The following FLNB variants were observed in gnomAD, a reference collection of about 807,000 sequenced individuals.
The protein encoded by FLNB is filamin-B.
Under a neutral mutation model 250.6 loss-of-function variants are expected in FLNB, and 111 were observed. The ratio of observed to expected loss-of-function variants is 0.44; its 90% CI spans 0.38 to 0.52. FLNB has a LOEUF of 0.52. FLNB is among the 20% of genes least tolerant of loss of function. The probability of loss-of-function intolerance (pLI) is 0.00; values close to 1 mark genes in which losing one functional copy is unlikely to be tolerated. For missense variants in FLNB, 2,869 were observed against 3,447.8 expected (o/e 0.83, Z 4.20); for synonymous variants, 1,302 against 1,372.1 (o/e 0.95, Z 1.13).
At position 58,094,840 on chromosome 3, in the gene FLNB, C is replaced by T. The variant is rs7623314; in HGVS notation, c.792C>T (p.Ile264=). 7,870 of 1,613,618 alleles carry T rather than the reference C, an allele frequency of 4.9e-3. 289 individuals carry two copies. In the African/African-American group the frequency reaches 0.087, roughly 18 times the overall value. The change falls in exon 5 of 46, where the codon ATC becomes ATT. Residue 264 remains isoleucine, a synonymous_variant. Coordinates refer to ENST00000295956, the MANE Select transcript of FLNB (RefSeq NM_001457.4). ...PKKARAYGRG[I]EPTGNMVKQP... ...GTCTGTGTAAACCTGTGGCAGGAAT[C>T]GAGCCCACTGGAAACATGGTGAAGC... is the stretch of plus-strand genomic sequence containing the variant.
At chr3:58,112,917 G>C (rs1267245047) in intron 18 of FLNB, among the ~76,000 whole-genome samples, 1 of 152,038 alleles carries the variant, frequency 6.6e-6, no homozygotes, top group African/African-American at 2.4e-5. Context: ...TTTCACATGT[G>C]ATCTTACCAT....
chr3:58,112,097 G>A (rs2097269809), intron 17 of FLNB, 52 bp from the exon 18 acceptor site: 1 of 1,582,656 alleles, frequency 6.3e-7, no homozygotes, highest in Non-Finnish European at 8.7e-7. Context: ...GGTTCTCAAA[G>A]TGAAACTACT....
Position 58,111,810 on chromosome 3 carries a change from T to C in FLNB, c.2504T>C (p.Phe835Ser). Residue 835 changes from phenylalanine (F) to serine (S), a missense_variant, in exon 17 of 46, where the codon TTC becomes TCC. Transcript: ENST00000295956. ...CTACAGGAAATCCCCGCCAGCCCTT[T>C]CAGAGTCAAAGTTGACCCTTCCCAC... ...FASQEIPASPFRVKVDPSHDA... is the reference protein window; with the variant it reads ...FASQEIPASPSRVKVDPSHDA... 2 of 1,614,080 alleles carry C rather than the reference T, an allele frequency of 1.2e-6. No individual in the cohort carries two copies. The highest frequency in any genetic ancestry group is 2.2e-5 in the South Asian group (2 of 91,088).
At position 58,163,532 on chromosome 3, in the gene FLNB, G is replaced by T. The variant is rs929510869; in HGVS notation, c.7198+202G>T. On this transcript the variant is annotated intron_variant, in intron 43 of 45. Transcript: ENST00000295956. ...CACGATAAATCCAGAGTGAGAGCTC[G>T]ATGGCCGTGTTATCACACCTCATTA... is the stretch of plus-strand genomic sequence containing the variant. The T allele has an allele frequency of 6.7e-6, 4 of 597,338 alleles. No homozygotes were observed. In the East Asian group the frequency reaches 1.1e-4, roughly 17 times the overall value. The allele number at this position is 597,338 out of a possible 1,614,324, so 37.0% of individuals were successfully genotyped here.
At chr3:58,104,165 T>G in intron 10 of FLNB, 80 bp downstream of exon 10, 2 of 1,451,848 alleles carry the variant, frequency 1.4e-6, no homozygotes, top group Non-Finnish European at 1.9e-6. Flanking sequence ...CTTCCCGGGC[T>G]GCAGGAGGGA....
At chr3:58,072,812 A>AT (rs960605535) in intron 1 of FLNB, among the ~76,000 whole-genome samples, 87 of 152,308 alleles carry the variant, frequency 5.7e-4, no homozygotes, top group African/African-American at 2.0e-3. Flanking sequence ...TGGGCATTGT[A>AT]TTTTTTGTAA....
Position 58,148,275 on chromosome 3 carries a change from C to A in FLNB, c.5798C>A (p.Thr1933Asn). 6.2e-7 allele frequency: 1 copy of A among 1,614,180 alleles called. No individual in the cohort carries two copies. Among genetic ancestry groups the A allele is most frequent in the Non-Finnish European group, 8.5e-7 (1 of 1,180,034 alleles). Residue 1933 changes from threonine to asparagine, a missense_variant, in exon 35 of 46, where the codon ACT (threonine) becomes AAT (asparagine). By Grantham distance (65) the Thr-to-Asn change is moderately conservative. Coordinates refer to ENST00000295956, the MANE Select transcript of FLNB (RefSeq NM_001457.4). Reference protein sequence around the residue: ...AADFLLDISETDLSSLTASIK... With the variant: ...AADFLLDISENDLSSLTASIK... ...GACTTCCTGCTCGACATCAGTGAGA[C>A]TGACCTCAGCAGCCTGACGGCCAGC...
chr3:58,100,922 G>A (rs2097250001), intron 8 of FLNB, among the ~76,000 whole-genome samples: 2 of 151,678 alleles, frequency 1.3e-5, no homozygotes. Context: ...TTTTGTAGAG[G>A]TGGGGTCTCA....
chr3:58,074,914 T>G (rs953446900), intron 1 of FLNB, among the ~76,000 whole-genome samples: 2 of 152,086 alleles, frequency 1.3e-5, no homozygotes, highest in Non-Finnish European at 2.9e-5. Flanking sequence ...GATGATCGAG[T>G]TTTATTATGA....
At chr3:58,045,044 G>C (rs1407009636) in intron 1 of FLNB, among the ~76,000 whole-genome samples, 1 of 152,176 alleles carries the variant, frequency 6.6e-6, no homozygotes, top group East Asian at 1.9e-4. Context: ...CCCAGAAGAT[G>C]AGAAATGAGT....
intron 29 of FLNB, among the ~76,000 whole-genome samples, chr3:58,140,777 T>C (rs1048266744): frequency 6.6e-6 from 1 of 152,080 alleles, no homozygotes; most frequent in African/African-American, 2.4e-5. Context: ...CCTGGCTATT[T>C]TTTGTATATT....
intron 33 of FLNB, 84 bp from the exon 34 acceptor site, chr3:58,146,736 G>T: frequency 2.1e-6 from 3 of 1,423,280 alleles, no homozygotes; most frequent in Non-Finnish European, 2.0e-6. Flanking sequence ...CATCAGGGCT[G>T]CCCTGGATGA....
At chr3:58,028,759 A>G (rs2097126870) in intron 1 of FLNB, among the ~76,000 whole-genome samples, 1 of 150,024 alleles carries the variant, frequency 6.7e-6, no homozygotes, top group Non-Finnish European at 1.5e-5. Context: ...GATTACAGGC[A>G]TGTACCACCA....
chr3:58,076,919 C>A, intron 1 of FLNB, 127 bp from the exon 2 acceptor site: 1 of 1,134,486 alleles, frequency 8.8e-7, no homozygotes, highest in Non-Finnish European at 1.3e-6. Context: ...AGCATTACAT[C>A]ATTTCACTCT....
intron 18 of FLNB, among the ~76,000 whole-genome samples, chr3:58,116,558 G>A (rs978969776): frequency 3.8e-4 from 58 of 152,200 alleles, no homozygotes; most frequent in African/African-American, 1.3e-3. Context: ...GCCTGCCTGG[G>A]GTGGATGAGT....
rs561864380 is a variant in FLNB at position 58,063,037 on chromosome 3, G to C, written c.293-14009G>C. Among the ~76,000 whole-genome samples, 177 of 152,298 alleles carry C rather than the reference G, an allele frequency of 1.2e-3. 1 individual carries two copies. The highest frequency in any genetic ancestry group is 3.8e-3 in the African/African-American group (159 of 41,558). ...ATCACCGCAGCCTGATGAGGCGAGG[G>C]AGTTACGACTCTCATTTTGCAGGTG... is the stretch of plus-strand genomic sequence containing the variant. On this transcript the variant is annotated intron_variant, in intron 1 of 45. Coordinates refer to ENST00000295956, the MANE Select transcript of FLNB (RefSeq NM_001457.4).
chr3:58,096,726 C>T (rs931305502), intron 6 of FLNB, among the ~76,000 whole-genome samples: 2 of 152,176 alleles, frequency 1.3e-5, no homozygotes, highest in African/African-American at 2.4e-5. Context: ...CTAGACTGTT[C>T]TTGAACTCCT....
intron 1 of FLNB, among the ~76,000 whole-genome samples, chr3:58,042,837 T>A (rs1029481445): frequency 1.3e-5 from 2 of 152,180 alleles, no homozygotes; most frequent in African/African-American, 4.8e-5. Context: ...TTCTTTCATC[T>A]CATGCTACAA....
chr3:58,105,144 C>A lies in FLNB; in HGVS notation c.1675C>A (p.Leu559Ile). 1 of 1,614,222 alleles carries A rather than the reference C, an allele frequency of 6.2e-7. No homozygotes were observed. Among genetic ancestry groups the A allele is most frequent in the Non-Finnish European group, 8.5e-7 (1 of 1,180,044 alleles). The part of the protein sequence containing the change: ...MQKVRAWGPG[L>I]HGGIVGRSAD... ...GAAAGTCCGTGCTTGGGGCCCTGGG[C>A]TCCATGGTGGGATTGTCGGGCGGTC... is the stretch of plus-strand genomic sequence containing the variant. Residue 559 changes from leucine (L) to isoleucine (I), a missense_variant, in exon 11 of 46, where the codon CTC becomes ATC. Coordinates refer to ENST00000295956, the MANE Select transcript of FLNB (RefSeq NM_001457.4).
Sources: gnomAD v4.1 joint callset for allele counts (sites outside exome capture counted in the v4.1 genomes callset) on GRCh38, gnomAD v4.1.1 for gene constraint, MANE v1.5 for transcripts, NCBI Gene and HGNC (gene_info 2026-07-23, HGNC 2026-07-21) for gene names.